KCNH7: variants seen among roughly 807,000 people sequenced by gnomAD.
KCNH7 encodes the protein voltage-gated inwardly rectifying potassium channel KCNH7.
KCNH7 carries 49 observed loss-of-function variants against 120.8 expected under a neutral mutation model. The observed-to-expected ratio is 0.41, with a 90% CI of 0.32 to 0.51. The LOEUF (loss-of-function observed/expected upper bound fraction) is 0.51, where lower values mean the gene tolerates loss of function less well. KCNH7 is among the 20% of genes least tolerant of loss of function. KCNH7 has a pLI of 0.38. For synonymous variants in KCNH7, 547 were observed against 516.1 expected (o/e 1.06, Z -0.81); for missense variants, 1,097 against 1,446.6 (o/e 0.76, Z 3.92).
chr2:162,809,314 C>G (rs547405802), intron 2 of KCNH7, among the ~76,000 whole-genome samples: 1 of 152,290 alleles, frequency 6.6e-6, no homozygotes, highest in African/African-American at 2.4e-5. Flanking sequence ...GGTCTGTTAA[C>G]ATTCTTCAGC....
intron 9 of KCNH7, among the ~76,000 whole-genome samples, chr2:162,421,702 A>C (rs556967134): frequency 1.5e-4 from 23 of 152,336 alleles, no homozygotes; most frequent in Non-Finnish European, 3.2e-4. Flanking sequence ...GTACATTGTA[A>C]ATAGGCAAGT....
intron 2 of KCNH7, among the ~76,000 whole-genome samples, chr2:162,676,206 C>A (rs1045050918): frequency 6.6e-6 from 1 of 151,430 alleles, no homozygotes; most frequent in Non-Finnish European, 1.5e-5. Context: ...TTCCATGCAG[C>A]CAGGTAGATT....
chr2:162,475,640 A>G (rs943262547), intron 6 of KCNH7, among the ~76,000 whole-genome samples: 1 of 152,166 alleles, frequency 6.6e-6, no homozygotes, highest in Non-Finnish European at 1.5e-5. Flanking sequence ...ACGATATAGG[A>G]TATTTATACC....
At chr2:162,677,880 T>G (rs183849834) in intron 2 of KCNH7, among the ~76,000 whole-genome samples, 26 of 151,628 alleles carry the variant, frequency 1.7e-4, no homozygotes, top group African/African-American at 5.8e-4. Context: ...TTTAATTTGC[T>G]TTGTCCCAGT....
chr2:162,540,300 T>G (rs1328456173), intron 2 of KCNH7, among the ~76,000 whole-genome samples: 1 of 152,052 alleles, frequency 6.6e-6, no homozygotes, highest in Non-Finnish European at 1.5e-5. Flanking sequence ...TATCCACATT[T>G]TCTCCCCTGA....
At chr2:162,700,702 T>C (rs1208165532) in intron 2 of KCNH7, among the ~76,000 whole-genome samples, 1 of 152,232 alleles carries the variant, frequency 6.6e-6, no homozygotes, top group Non-Finnish European at 1.5e-5. Context: ...TTCTTAGTGA[T>C]TGTGTCAGAG....
At chr2:162,473,349 A>G (rs1320050590) in intron 6 of KCNH7, among the ~76,000 whole-genome samples, 1 of 152,192 alleles carries the variant, frequency 6.6e-6, no homozygotes, top group Non-Finnish European at 1.5e-5. Context: ...TGTAAATTTC[A>G]AAAGCCCAAA....
chr2:162,838,036 A>T (rs1685722286), intron 1 of KCNH7, among the ~76,000 whole-genome samples: 1 of 152,208 alleles, frequency 6.6e-6, no homozygotes, highest in Admixed American at 6.5e-5. Context: ...AGTCATTTAC[A>T]TCGCTACTAC....
chr2:162,812,714 G>A (rs980253850), intron 2 of KCNH7, among the ~76,000 whole-genome samples: 2 of 152,080 alleles, frequency 1.3e-5, no homozygotes, highest in Admixed American at 1.3e-4. Flanking sequence ...GGTAAGGTTT[G>A]AGAAGTTAAA....
intron 2 of KCNH7, chr2:162,537,999 T>C (rs1692171197): frequency 6.6e-6 from 1 of 152,120 alleles, no homozygotes; most frequent in Non-Finnish European, 1.5e-5. Context: ...ATATGCTCTT[T>C]AGTCAAGGTA....
At chr2:162,670,962 A>G (rs1685330535) in intron 2 of KCNH7, among the ~76,000 whole-genome samples, 1 of 145,926 alleles carries the variant, frequency 6.9e-6, no homozygotes, top group African/African-American at 2.5e-5. Context: ...CAAGAAACAT[A>G]TGAAAAAAAA....
intron 3 of KCNH7, among the ~76,000 whole-genome samples, chr2:162,525,243 A>C (rs904380917): frequency 6.6e-6 from 1 of 151,956 alleles, no homozygotes; most frequent in Non-Finnish European, 1.5e-5. Flanking sequence ...GTTATGAGTT[A>C]AAGGCAGGAA....
intron 2 of KCNH7, among the ~76,000 whole-genome samples, chr2:162,792,109 C>A (rs1683967271): frequency 6.6e-6 from 1 of 151,996 alleles, no homozygotes; most frequent in Non-Finnish European, 1.5e-5. Context: ...TATGTTGAAC[C>A]AAACTTGCAT....
At chr2:162,558,222 T>C (rs1437463620) in intron 2 of KCNH7, among the ~76,000 whole-genome samples, 1 of 152,036 alleles carries the variant, frequency 6.6e-6, no homozygotes, top group Non-Finnish European at 1.5e-5. Context: ...CTGGCCAGGC[T>C]GGAGTACAGT....
intron 14 of KCNH7, among the ~76,000 whole-genome samples, chr2:162,378,564 C>A (rs74693277): frequency 2.0e-3 from 299 of 152,308 alleles, no homozygotes; most frequent in Non-Finnish European, 3.4e-3. Context: ...TGGCAGAATT[C>A]ATAAGATACA....
intron 2 of KCNH7, among the ~76,000 whole-genome samples, chr2:162,625,866 T>A (rs1683537547): frequency 6.6e-6 from 1 of 152,104 alleles, no homozygotes; most frequent in Non-Finnish European, 1.5e-5. Flanking sequence ...GAGTCTTTGG[T>A]CACCTGGGGG....
chr2:162,628,956 G>A (rs966972100), intron 2 of KCNH7, among the ~76,000 whole-genome samples: 2 of 152,078 alleles, frequency 1.3e-5, no homozygotes, highest in African/African-American at 4.8e-5. Context: ...CACTCTTGGG[G>A]CAAGGCATAA....
At chr2:162,732,992 G>A (rs1687778390) in intron 2 of KCNH7, among the ~76,000 whole-genome samples, 2 of 152,174 alleles carry the variant, frequency 1.3e-5, no homozygotes, top group African/African-American at 4.8e-5. Flanking sequence ...CAGATTCAGA[G>A]CTTGTCTCGA....
chr2:162,379,801 A>ACC (rs1686345032), intron 14 of KCNH7, 52 bp downstream of exon 14: 2 of 1,558,396 alleles, frequency 1.3e-6, no homozygotes, highest in Non-Finnish European at 8.7e-7. Context: ...GTAAAACTGG[A>ACC]CCCATGTAAG....
Sources: gnomAD v4.1 joint callset for allele counts (sites outside exome capture counted in the v4.1 genomes callset) on GRCh38, gnomAD v4.1.1 for gene constraint, MANE v1.5 for transcripts, NCBI Gene and HGNC (gene_info 2026-07-23, HGNC 2026-07-21) for gene names.